The following TRIM9 variants were observed in gnomAD, a reference collection of about 807,000 sequenced individuals.
The protein encoded by TRIM9 is E3 ubiquitin-protein ligase TRIM9.
In TRIM9, 26 loss-of-function variants were observed where a neutral mutation model predicts 78.3. The observed-to-expected ratio is 0.33, with a 90% confidence interval of 0.24 to 0.46. The LOEUF (loss-of-function observed/expected upper bound fraction) is 0.46, where lower values mean the gene tolerates loss of function less well. TRIM9 is among the 20% of genes least tolerant of loss of function. The pLI is 1.00. For missense variants in TRIM9, 787 were observed against 1,036.4 expected (o/e 0.76, Z 3.30); for synonymous variants, 398 against 416.5 (o/e 0.96, Z 0.54).
At chr14:51,063,958 A>C (rs901751912) in intron 1 of TRIM9, among the ~76,000 whole-genome samples, 15 of 152,152 alleles carry the variant, frequency 9.9e-5, no homozygotes, top group Non-Finnish European at 1.8e-4. Flanking sequence ...AATATATAAC[A>C]GATTGTATAG....
chr14:51,041,011 G>T (rs115899760), intron 1 of TRIM9, among the ~76,000 whole-genome samples: 1 of 152,120 alleles, frequency 6.6e-6, no homozygotes, highest in Non-Finnish European at 1.5e-5. Context: ...GTACTTATAG[G>T]TCAATTTCCT....
chr14:50,983,299 A>T, intron 9 of TRIM9, 81 bp downstream of exon 9: 1 of 1,171,740 alleles, frequency 8.5e-7, no homozygotes, highest in Non-Finnish European at 1.2e-6. Flanking sequence ...GACATAAGAC[A>T]AGTTGCCGCC....
At chr14:51,005,057 C>G (rs1316318479) in intron 5 of TRIM9, among the ~76,000 whole-genome samples, 2 of 152,294 alleles carry the variant, frequency 1.3e-5, no homozygotes, top group East Asian at 3.9e-4. Flanking sequence ...AAAGTTTAGA[C>G]TTTAGCAGAA....
At chr14:51,058,905 G>A (rs1253909962) in intron 1 of TRIM9, among the ~76,000 whole-genome samples, 1 of 152,140 alleles carries the variant, frequency 6.6e-6, no homozygotes, top group East Asian at 1.9e-4. Context: ...CCACATACAA[G>A]CAAGAATTCT....
intron 7 of TRIM9, among the ~76,000 whole-genome samples, chr14:50,992,877 C>T (rs529487513): frequency 3.9e-5 from 6 of 152,276 alleles, no homozygotes; most frequent in Non-Finnish European, 7.4e-5. Context: ...TTTCAAGAAT[C>T]CCAACCTATT....
intron 3 of TRIM9, among the ~76,000 whole-genome samples, chr14:51,011,187 G>A (rs1016395557): frequency 6.6e-6 from 1 of 152,220 alleles, no homozygotes; most frequent in Non-Finnish European, 1.5e-5. Context: ...CATTTGCCAA[G>A]CTGTGAGTCT....
At chr14:50,997,387 G>C (rs1213938807) in intron 7 of TRIM9, 1 of 985,262 alleles carries the variant, frequency 1.0e-6, no homozygotes, top group African/African-American at 1.7e-5. Flanking sequence ...CAAGACTGAA[G>C]GGACTGGCAA....
intron 1 of TRIM9, among the ~76,000 whole-genome samples, chr14:51,071,830 T>A (rs1299748191): frequency 6.6e-6 from 1 of 152,088 alleles, no homozygotes; most frequent in African/African-American, 2.4e-5. Context: ...GAATAATTTT[T>A]AAAAAAGAAT....
At chr14:51,078,740 T>C (rs748664405) in intron 1 of TRIM9, among the ~76,000 whole-genome samples, 5 of 152,148 alleles carry the variant, frequency 3.3e-5, no homozygotes, top group Admixed American at 2.6e-4. Context: ...GTGGTTACCA[T>C]GGTGGGGAGA....
intron 1 of TRIM9, among the ~76,000 whole-genome samples, chr14:51,058,523 G>A (rs1435413938): frequency 2.6e-5 from 4 of 152,158 alleles, no homozygotes; most frequent in Admixed American, 6.5e-5. Context: ...GATGTGGAGT[G>A]GGGAGTGGGA....
At chr14:51,075,459 T>C (rs777591122) in intron 1 of TRIM9, among the ~76,000 whole-genome samples, 7 of 152,224 alleles carry the variant, frequency 4.6e-5, no homozygotes, top group Non-Finnish European at 7.3e-5. Flanking sequence ...TTGAAAATTA[T>C]ATACCAAAGA....
chr14:51,023,087 T>C, intron 2 of TRIM9, 130 bp from the exon 3 acceptor site: 1 of 1,244,686 alleles, frequency 8.0e-7, no homozygotes, highest in East Asian at 2.4e-5. Flanking sequence ...TTGGTAATTT[T>C]AAAAAAATAA....
chr14:51,050,354 T>C (rs1042184428), intron 1 of TRIM9, among the ~76,000 whole-genome samples: 1 of 152,084 alleles, frequency 6.6e-6, no homozygotes, highest in South Asian at 2.1e-4. Context: ...GATCTGATGG[T>C]TTTACAAGAG....
chr14:51,073,272 T>C (rs1215402062), intron 1 of TRIM9, among the ~76,000 whole-genome samples: 1 of 152,226 alleles, frequency 6.6e-6, no homozygotes, highest in Non-Finnish European at 1.5e-5. Flanking sequence ...TTTGTGTACC[T>C]GAGCACCCAG....
chr14:51,008,950 C>G, intron 5 of TRIM9, 130 bp downstream of exon 5: 1 of 887,954 alleles, frequency 1.1e-6, no homozygotes, highest in Non-Finnish European at 1.7e-6. Context: ...TATAAGGATA[C>G]ATTTTCATTA....
At position 51,007,018 on chromosome 14, in the gene TRIM9, G is replaced by A. The variant is rs973121201; in HGVS notation, c.1306+2062C>T. Among the ~76,000 whole-genome samples the A allele has an allele frequency of 1.1e-4, 17 of 152,272 alleles. No homozygotes were observed. In the East Asian group the frequency reaches 3.3e-3, roughly 29 times the overall value. ...CCTGCCAACTGGCCTGGACTCCACC[G>A]TGAGCAGATGGACATGACTCAGGAG... On this transcript the variant is annotated intron_variant, in intron 5 of 12. Transcript: ENST00000684578.
intron 1 of TRIM9, among the ~76,000 whole-genome samples, chr14:51,025,668 T>C (rs2058151096): frequency 6.6e-6 from 1 of 152,168 alleles, no homozygotes; most frequent in African/African-American, 2.4e-5. Flanking sequence ...TGAATACATA[T>C]TTGCTAAGGA....
intron 1 of TRIM9, among the ~76,000 whole-genome samples, chr14:51,041,512 G>A (rs1230417903): frequency 3.3e-5 from 5 of 152,204 alleles, no homozygotes; most frequent in Non-Finnish European, 5.9e-5. Context: ...AGGTTTTAAA[G>A]CATCTCATAG....
intron 1 of TRIM9, among the ~76,000 whole-genome samples, chr14:51,050,584 AGAG>A (rs2140072122): frequency 6.6e-6 from 1 of 152,304 alleles, no homozygotes; most frequent in South Asian, 2.1e-4. Context: ...CTCCAACAGC[AGAG>A]GGTCTATGTT....
Sources: gnomAD v4.1 joint callset for allele counts (sites outside exome capture counted in the v4.1 genomes callset) on GRCh38, gnomAD v4.1.1 for gene constraint, MANE v1.5 for transcripts, NCBI Gene and HGNC (gene_info 2026-07-23, HGNC 2026-07-21) for gene names.